The following CCDC88B variants were observed in gnomAD, a reference collection of about 807,000 sequenced individuals.
CCDC88B encodes the protein coiled-coil and HOOK domain protein 88B.
Under a neutral mutation model 183.7 loss-of-function variants are expected in CCDC88B, and 138 were observed. That is an observed-to-expected ratio of 0.75 (90% CI 0.65 to 0.87). The LOEUF (loss-of-function observed/expected upper bound fraction) is 0.87, where lower values mean the gene tolerates loss of function less well. Among genes scored for constraint, CCDC88B ranks in the 40% least tolerant of loss-of-function variants. The probability of loss-of-function intolerance (pLI) is 0.00; values close to 1 mark genes in which losing one functional copy is unlikely to be tolerated. For missense variants in CCDC88B, 1,822 were observed against 1,965.6 expected (o/e 0.93, Z 1.38); for synonymous variants, 835 against 867.5 (o/e 0.96, Z 0.66).
At chr11:64,349,975 C>T (rs2036266040) in intron 16 of CCDC88B, 2 of 412,960 alleles carry the variant, frequency 4.8e-6, no homozygotes, top group South Asian at 6.6e-5. Flanking sequence ...ATCAAGGAAG[C>T]CAGCGATGGT....
At chr11:64,354,245 CTGCCTG>C in intron 24 of CCDC88B, 75 bp downstream of exon 24, 1 of 1,228,544 alleles carries the variant, frequency 8.1e-7, no homozygotes, top group Non-Finnish European at 1.0e-6. Context: ...ACCTGCCTCA[CTGCCTG>C]GCCTGCATGC....
At chr11:64,343,947 C>G (rs747180966) in intron 13 of CCDC88B, 33 bp downstream of exon 13, 11 of 1,574,470 alleles carry the variant, frequency 7.0e-6, no homozygotes, top group South Asian at 1.2e-5. Context: ...CTGGCCGGCC[C>G]TTCCCCTAGT....
chr11:64,354,816 C>A (rs117660951), intron 24 of CCDC88B, among the ~76,000 whole-genome samples: 20,497 of 80,900 alleles, frequency 0.25, 4,327 homozygotes, highest in Non-Finnish European at 0.37. Context: ...AGCCTCCCCC[C>A]CTCCTCTGAC....
intron 24 of CCDC88B, among the ~76,000 whole-genome samples, chr11:64,354,612 C>T (rs2036468884): frequency 1.3e-5 from 2 of 150,068 alleles, no homozygotes; most frequent in South Asian, 4.3e-4. Context: ...CCCTCCCTGG[C>T]CCTGGGCAGC....
At position 64,343,445 on chromosome 11, in the gene CCDC88B, G is replaced by A. The variant is rs950031518; in HGVS notation, c.1210-62G>A. The stretch of plus-strand genomic sequence containing the variant: ...TCTTGGTGACCTCTAGTGACCCTCC[G>A]ACCTACACACTCGGCCTGGCCATGG... On this transcript the variant is annotated intron_variant, in intron 11 of 26. Transcript: ENST00000356786. 7 of 1,545,054 alleles carry A rather than the reference G, an allele frequency of 4.5e-6. No homozygotes were observed. In the African/African-American group the frequency reaches 6.9e-5, roughly 15 times the overall value.
chr11:64,351,828 A>T (rs2036344752), intron 18 of CCDC88B, among the ~76,000 whole-genome samples: 2 of 151,630 alleles, frequency 1.3e-5, no homozygotes, highest in Non-Finnish European at 2.9e-5. Context: ...CCCCACATCT[A>T]CACCCATGTC....
In CCDC88B at chr11:64,343,887, G is replaced by T; in HGVS notation, c.1428G>T (p.Gln476His). 6.2e-7 allele frequency: 1 copy of T among 1,605,502 alleles called. No homozygotes were observed. Among genetic ancestry groups the T allele is most frequent in the East Asian group, 2.2e-5 (1 of 44,624 alleles). ...ACCGGGAGCTTCGGGGGCTGCTTCAGGTGCTTCAGGGGCAGCCAGGGGGCC... is the reference window on the plus strand; with the variant it reads ...ACCGGGAGCTTCGGGGGCTGCTTCATGTGCTTCAGGGGCAGCCAGGGGGCC... ...RENRELRGLL[Q>H]VLQGQPGGQH... Residue 476 changes from glutamine (Q) to histidine (H), a missense_variant, in exon 13 of 27, where the codon CAG (glutamine) becomes CAT (histidine). Physicochemically the swap from Gln to His is conservative, Grantham distance 24. Transcript: ENST00000356786.
At chr11:64,351,312 G>A in intron 17 of CCDC88B, 57 bp downstream of exon 17, 1 of 1,499,416 alleles carries the variant, frequency 6.7e-7, no homozygotes, top group East Asian at 2.5e-5. Flanking sequence ...GTGAGTGTGG[G>A]TCCACGGTGG....
chr11:64,340,209 C>T lies in CCDC88B; in HGVS notation c.-58C>T. Reference sequence around the variant, plus strand: ...CCCGGGATCCCCCACTCGGGGACTTCCTCTTCCTCTCAGGGCAGGTGCAGC... The same window carrying T: ...CCCGGGATCCCCCACTCGGGGACTTTCTCTTCCTCTCAGGGCAGGTGCAGC... On this transcript the variant is annotated 5_prime_UTR_variant, in exon 1 of 27. Transcript: ENST00000356786. The T allele has an allele frequency of 1.7e-6, 2 of 1,149,838 alleles. No homozygotes were observed. Among genetic ancestry groups the T allele is most frequent in the Middle Eastern group, 2.4e-4 (1 of 4,226 alleles). 71.2% of individuals were successfully genotyped at this position (1,149,838 alleles called of 1,614,324 possible).
chr11:64,353,260 G>C lies in CCDC88B; in HGVS notation c.3687+20G>C. ...TGTGAGGTGTGGCTGGAGGGCCGGT[G>C]GGGGTATGGGCGTGTGGTGGGGCAG... On this transcript the variant is annotated intron_variant, in intron 21 of 26. Transcript: ENST00000356786. 6.4e-7 allele frequency: 1 copy of C among 1,561,290 alleles called. No individual in the cohort carries two copies. Among genetic ancestry groups the C allele is most frequent in the South Asian group, 1.2e-5 (1 of 84,324 alleles).
rs2035942529 is a variant in CCDC88B at position 64,342,947 on chromosome 11, A to G, written c.1063-232A>G. 4.1e-5 allele frequency: 21 copies of G among 518,174 alleles called. No homozygotes were observed. The South Asian group carries it at 5.6e-4, about 14-fold the overall frequency. 32.1% of individuals were successfully genotyped at this position (518,174 alleles called of 1,614,324 possible). A position where few individuals can be genotyped will look rare whatever the true frequency, so the allele number is the denominator to read the frequency against. ...CGGGGGGGAGGGGCGGGGCATGGACAGAAGGGCGGGGCCTGCACAAAGGGC... is the reference window on the plus strand; with the variant it reads ...CGGGGGGGAGGGGCGGGGCATGGACGGAAGGGCGGGGCCTGCACAAAGGGC... On this transcript the variant is annotated intron_variant, in intron 10 of 26. Coordinates refer to ENST00000356786, the MANE Select transcript of CCDC88B (RefSeq NM_032251.6).
In CCDC88B at chr11:64,357,124, A is replaced by G; in HGVS notation, c.*30A>G. ...GTGGGAACAGCAGGCTTGGGAGTGC[A>G]GCCTTCTCGGCACTGGAGTGTCAGC... On this transcript the variant is annotated 3_prime_UTR_variant, in exon 27 of 27. Coordinates refer to ENST00000356786, the MANE Select transcript of CCDC88B (RefSeq NM_032251.6). 1 of 1,613,256 alleles carries G rather than the reference A, an allele frequency of 6.2e-7. No homozygotes were observed. Among genetic ancestry groups the G allele is most frequent in the Admixed American group, 1.7e-5 (1 of 60,012 alleles).
Position 64,345,047 on chromosome 11 carries a change from C to T in CCDC88B, c.2506C>T (p.Arg836Trp), listed in dbSNP as rs765091712. The T allele has an allele frequency of 2.4e-5, 37 of 1,548,128 alleles. No homozygotes were observed. The highest frequency in any genetic ancestry group is 2.2e-4 in the Middle Eastern group (1 of 4,644). Reference sequence around the variant, plus strand: ...GTGGGAGCGTGAGGGGTCCAGGCTGCGGGCCCAGTCGGAGGCCGCCGAGGA... The same window carrying T: ...GTGGGAGCGTGAGGGGTCCAGGCTGTGGGCCCAGTCGGAGGCCGCCGAGGA... ...RQWEREGSRL[R>W]AQSEAAEERM... is the part of the protein sequence containing the mutation. The change falls in exon 14 of 27, where the codon CGG (arginine) becomes TGG (tryptophan). Residue 836 changes from arginine to tryptophan, a missense_variant. By Grantham distance (101) the Arg-to-Trp change is moderately radical. Transcript: ENST00000356786.
At position 64,354,117 on chromosome 11, in the gene CCDC88B, TG is replaced by T. The variant is rs1465290379; in HGVS notation, c.4052del (p.Gly1351AlafsTer258). On this transcript the variant is annotated frameshift_variant, in exon 24 of 27. Transcript: ENST00000356786. LOFTEE classifies it high-confidence loss of function. ...GATGGGGCTGGCAGCACCGAGAGCC[TG>T]GGGGGCCCCCCGGAGACGGAGCTTC... The part of the protein sequence containing the change: ...GADGAGSTES[L>X]GGPPETELPE... 1.7e-5 allele frequency: 23 copies of T among 1,375,980 alleles called. No individual in the cohort carries two copies. The highest frequency in any genetic ancestry group is 6.1e-5 in the South Asian group (3 of 49,540). The allele number at this position is 1,375,980 out of a possible 1,614,324, so 85.2% of individuals were successfully genotyped here. A position where few individuals can be genotyped will look rare whatever the true frequency, so the allele number is the denominator to read the frequency against.
At position 64,343,223 on chromosome 11, in the gene CCDC88B, G is replaced by C; in HGVS notation, c.1107G>C (p.Leu369=). The C allele has an allele frequency of 6.5e-7, 1 of 1,545,926 alleles. No homozygotes were observed. Among genetic ancestry groups the C allele is most frequent in the East Asian group, 2.4e-5 (1 of 40,938 alleles). ...LSGVLEASKA[L]LEEQLEAARE... is the part of the protein sequence containing the mutation. The stretch of plus-strand genomic sequence containing the variant: ...GGGTGCTGGAGGCGTCCAAGGCGCT[G>C]CTGGAAGAGCAGCTGGAGGCTGCCC... The change falls in exon 11 of 27, where the codon CTG becomes CTC. Residue 369 remains leucine (L), a synonymous_variant. Transcript: ENST00000356786.
At position 64,351,563 on chromosome 11, in the gene CCDC88B, C is replaced by G; in HGVS notation, c.3046C>G (p.Gln1016Glu). 2 of 1,565,966 alleles carry G rather than the reference C, an allele frequency of 1.3e-6. No homozygotes were observed. The highest frequency in any genetic ancestry group is 1.7e-6 in the Non-Finnish European group (2 of 1,164,168). ...GQLGSLQGRA[Q>E]ELLLQSQRAQ... ...GCTGGGGAGCCTGCAGGGCCGTGCC[C>G]AGGAGCTGCTGCTGCAGAGCCAGCG... The change falls in exon 18 of 27, where the codon CAG becomes GAG. Residue 1016 changes from glutamine to glutamate, a missense_variant. Physicochemically the swap from Gln to Glu is conservative, Grantham distance 29. Coordinates refer to ENST00000356786, the MANE Select transcript of CCDC88B (RefSeq NM_032251.6).
At position 64,342,103 on chromosome 11, in the gene CCDC88B, A is replaced by G. The variant is rs1160784673; in HGVS notation, c.785A>G (p.Asn262Ser). The G allele has an allele frequency of 1.2e-6, 2 of 1,610,786 alleles. No individual in the cohort carries two copies. Among genetic ancestry groups the G allele is most frequent in the African/African-American group, 2.7e-5 (2 of 74,890 alleles). ...PSHHLALQLA[N>S]AKAQLRRLRQ... Reference sequence around the variant, plus strand: ...CACCATCTGGCCCTGCAGCTGGCCAACGCCAAGGCTCAGCTGCGGCGTCTG... The same window carrying G: ...CACCATCTGGCCCTGCAGCTGGCCAGCGCCAAGGCTCAGCTGCGGCGTCTG... Residue 262 changes from asparagine (N) to serine (S), a missense_variant, in exon 8 of 27, where the codon AAC becomes AGC. Transcript: ENST00000356786.
Position 64,342,134 on chromosome 11 carries a change from G to A in CCDC88B, c.816G>A (p.Gln272=). The change falls in exon 8 of 27, where the codon CAG becomes CAA. Residue 272 remains glutamine, a synonymous_variant. Coordinates refer to ENST00000356786, the MANE Select transcript of CCDC88B (RefSeq NM_032251.6). ...AGGCTCAGCTGCGGCGTCTGCGGCA[G>A]GAGCTGTGAGTGTGCGCAGCCTGGG... ...NAKAQLRRLR[Q]ELEEKAELLL... is the part of the protein sequence containing the mutation. The A allele has an allele frequency of 6.2e-7, 1 of 1,608,436 alleles. No individual in the cohort carries two copies.
At chr11:64,353,560 C>A in intron 22 of CCDC88B, 64 bp downstream of exon 22, 1 of 1,585,946 alleles carries the variant, frequency 6.3e-7, no homozygotes, top group South Asian at 1.1e-5. Flanking sequence ...TGGGGAGAGC[C>A]CTTAGTGAGG....
Sources: gnomAD v4.1 joint callset for allele counts (sites outside exome capture counted in the v4.1 genomes callset) on GRCh38, gnomAD v4.1.1 for gene constraint, MANE v1.5 for transcripts, NCBI Gene and HGNC (gene_info 2026-07-23, HGNC 2026-07-21) for gene names.